Variants in MGAT4D observed in about 807,000 individuals in gnomAD.
The protein encoded by MGAT4D is MGAT4 family member D, also known as alpha-1,3-mannosyl-glycoprotein 4-beta-N-acetylglucosaminyltransferase-like protein MGAT4D.
MGAT4D carries 34 observed loss-of-function variants against 15.9 expected under a neutral mutation model. The observed-to-expected ratio is 2.14, with a 90% CI of 1.62 to 2.84. The LOEUF (loss-of-function observed/expected upper bound fraction) is 2.84. MGAT4D is among the 30% of genes most tolerant of loss of function. The probability of loss-of-function intolerance (pLI) is 0.00; values close to 1 mark genes in which losing one functional copy is unlikely to be tolerated. For missense variants in MGAT4D, 327 were observed against 140.2 expected (o/e 2.33, Z -6.73); for synonymous variants, 112 against 48.2 (o/e 2.33, Z -5.49).
In MGAT4D at chr4:140,443,462, A is replaced by G. The variant is rs2126648734; in HGVS notation, c.1117-18T>C. ...CATATTTTCTGAAATGAAAACAAAA[A>G]ATGTAACATCTAGAAATAATATATT... is the stretch of plus-strand genomic sequence containing the variant. On this transcript the variant is annotated intron_variant, in intron 10 of 10. Transcript: ENST00000511113. 5.6e-6 allele frequency: 3 copies of G among 537,614 alleles called. No individual in the cohort carries two copies. The highest frequency in any genetic ancestry group is 3.1e-4 in the Middle Eastern group (1 of 3,196). 33.3% of individuals were successfully genotyped at this position (537,614 alleles called of 1,614,324 possible).
intron 9 of MGAT4D, among the ~76,000 whole-genome samples, chr4:140,455,829 A>G (rs1331130795): frequency 1.3e-5 from 2 of 151,940 alleles, no homozygotes; most frequent in Non-Finnish European, 2.9e-5. Context: ...TTTTAAGTGT[A>G]TTCTGATATT....
At chr4:140,488,671 G>C (rs1049698868) in intron 1 of MGAT4D, among the ~76,000 whole-genome samples, 6 of 152,210 alleles carry the variant, frequency 3.9e-5, no homozygotes, top group Non-Finnish European at 7.3e-5. Context: ...TAAGTGCATA[G>C]AGTGTGAAAT....
chr4:140,483,273 T>C (rs1168435382), intron 1 of MGAT4D, among the ~76,000 whole-genome samples: 1 of 152,044 alleles, frequency 6.6e-6, no homozygotes, highest in East Asian at 1.9e-4. Flanking sequence ...AACCACACCA[T>C]TTACAATGGC....
chr4:140,460,540 A>G (rs934347337), intron 7 of MGAT4D, among the ~76,000 whole-genome samples: 6 of 152,172 alleles, frequency 3.9e-5, no homozygotes, highest in Non-Finnish European at 8.8e-5. Context: ...TTAACATATT[A>G]ATTTTGGGAG....
intron 10 of MGAT4D, among the ~76,000 whole-genome samples, chr4:140,446,327 T>C (rs1439508970): frequency 1.3e-5 from 2 of 152,180 alleles, no homozygotes; most frequent in Non-Finnish European, 2.9e-5. Flanking sequence ...AGGCTATTTA[T>C]TACTGATTCA....
At chr4:140,444,975 A>T (rs1730020379) in intron 10 of MGAT4D, among the ~76,000 whole-genome samples, 1 of 151,528 alleles carries the variant, frequency 6.6e-6, no homozygotes, top group African/African-American at 2.4e-5. Flanking sequence ...TCTGCCTCCT[A>T]GGTTCAAGCA....
chr4:140,451,448 T>C lies in MGAT4D; in HGVS notation c.1078A>G (p.Ile360Val), dbSNP rs1033291863. 1.4e-5 allele frequency: 9 copies of C among 634,152 alleles called. No individual in the cohort carries two copies. Among genetic ancestry groups the C allele is most frequent in the Middle Eastern group, 2.4e-4 (1 of 4,096 alleles). The allele number at this position is 634,152 out of a possible 1,614,324, so 39.3% of individuals were successfully genotyped here. Residue 360 changes from isoleucine to valine, a missense_variant, in exon 10 of 11, where the codon ATA (isoleucine) becomes GTA (valine). Ile to Val is a conservative substitution (Grantham distance 29). Transcript: ENST00000511113. ...TCTTTTCTAGGGAATGATGAATGTA[T>C]ACCCACATGCTGGAAAAGAGAAGGT... is the stretch of plus-strand genomic sequence containing the variant. ...YKPSLFQHVG[I>V]HSSFPRKEQY...
At position 140,473,391 on chromosome 4, in the gene MGAT4D, A is replaced by T. The variant is rs567140410; in HGVS notation, c.525+1422T>A. ...GTTGTTTCCAATATTATGCTTTCAT[A>T]ACCCAACAATGCACTGAAAATCCTG... On this transcript the variant is annotated intron_variant, in intron 4 of 10. Coordinates refer to ENST00000511113, the MANE Select transcript of MGAT4D (RefSeq NM_001277353.2). Among the ~76,000 whole-genome samples, 8 of 152,296 alleles carry T rather than the reference A, an allele frequency of 5.3e-5. No homozygotes were observed. The South Asian group carries it at 1.7e-3, about 32-fold the overall frequency.
chr4:140,494,000 T>G (rs1159203968), intron 1 of MGAT4D, among the ~76,000 whole-genome samples: 1 of 152,118 alleles, frequency 6.6e-6, no homozygotes, highest in African/African-American at 2.4e-5. Context: ...AAGTGTTGGC[T>G]TTTCCAAGGG....
chr4:140,475,679 A>AAAAG (rs1732266776), intron 3 of MGAT4D, among the ~76,000 whole-genome samples: 3 of 149,746 alleles, frequency 2.0e-5, no homozygotes, highest in East Asian at 3.9e-4. Context: ...AAAAAAAAAA[A>AAAAG]GGTCAAAACA....
At chr4:140,487,329 A>G (rs753637888) in intron 1 of MGAT4D, among the ~76,000 whole-genome samples, 3 of 152,202 alleles carry the variant, frequency 2.0e-5, no homozygotes, top group Non-Finnish European at 2.9e-5. Flanking sequence ...CAAGTGTGCA[A>G]TGGGTGAATG....
chr4:140,478,881 C>G (rs1017167309), intron 3 of MGAT4D, among the ~76,000 whole-genome samples: 1 of 151,736 alleles, frequency 6.6e-6, no homozygotes, highest in African/African-American at 2.4e-5. Context: ...ACATAGACAA[C>G]AAGTAAATGG....
At chr4:140,469,709 C>A (rs1412276928) in intron 5 of MGAT4D, among the ~76,000 whole-genome samples, 1 of 152,152 alleles carries the variant, frequency 6.6e-6, no homozygotes, top group Non-Finnish European at 1.5e-5. Context: ...ATCCTGTAAA[C>A]TGAAATTCAG....
intron 10 of MGAT4D, among the ~76,000 whole-genome samples, chr4:140,450,661 T>C (rs943017582): frequency 6.6e-6 from 1 of 152,200 alleles, no homozygotes; most frequent in Non-Finnish European, 1.5e-5. Flanking sequence ...CGTCTATTTC[T>C]CATTCAGTTG....
At chr4:140,462,299 T>C (rs1333547564) in intron 6 of MGAT4D, among the ~76,000 whole-genome samples, 1 of 152,180 alleles carries the variant, frequency 6.6e-6, no homozygotes, top group East Asian at 1.9e-4. Context: ...TTAATATTCT[T>C]TCTGATTTTA....
intron 7 of MGAT4D, 49 bp downstream of exon 7, chr4:140,461,880 T>C (rs916399380): frequency 8.4e-5 from 45 of 535,374 alleles, no homozygotes; most frequent in African/African-American, 2.8e-4. Flanking sequence ...AATTGGTGTA[T>C]ACACACACAC....
rs148228556 is a variant in MGAT4D at position 140,465,006 on chromosome 4, G to C, written c.576C>G (p.Phe192Leu). 7 of 700,632 alleles carry C rather than the reference G, an allele frequency of 1.0e-5. No homozygotes were observed. The highest frequency in any genetic ancestry group is 8.7e-5 in the African/African-American group (5 of 57,274). The allele number at this position is 700,632 out of a possible 1,614,324, so 43.4% of individuals were successfully genotyped here. The change falls in exon 6 of 11, where the codon TTC becomes TTG. Residue 192 changes from phenylalanine to leucine, a missense_variant. By Grantham distance (22) the Phe-to-Leu change is conservative (BLOSUM62 0). Coordinates refer to ENST00000511113, the MANE Select transcript of MGAT4D (RefSeq NM_001277353.2). The part of the protein sequence containing the change: ...HSVVKMITKK[F>L]KRQVRSGSLE... ...AGGATCCAGACCTCACTTGCCTTTT[G>C]AATCTATAAATAGAAGTAAATGCAG... is the stretch of plus-strand genomic sequence containing the variant.
rs1361945276 is a variant in MGAT4D, at chr4:140,482,303, AAAAC to A, written c.253+20_253+23del. ...GAATCTACATTTCCAAAAACAAAAC[AAAAC>A]AAACAAAATCAACACAAACCTAAGT... On this transcript the variant is annotated intron_variant, in intron 2 of 10. Transcript: ENST00000511113. 1.7e-6 allele frequency: 1 copy of A among 600,170 alleles called. No individual in the cohort carries two copies. 37.2% of individuals were successfully genotyped at this position (600,170 alleles called of 1,614,324 possible). A position where few individuals can be genotyped will look rare whatever the true frequency, so the allele number is the denominator to read the frequency against.
chr4:140,480,455 AAAAAC>A (rs1732627697), intron 2 of MGAT4D, among the ~76,000 whole-genome samples: 1 of 152,164 alleles, frequency 6.6e-6, no homozygotes, highest in Admixed American at 6.5e-5. Context: ...TAACAATACA[AAAAAC>A]AAAACAATAC....
Sources: gnomAD v4.1 joint callset for allele counts (sites outside exome capture counted in the v4.1 genomes callset) on GRCh38, gnomAD v4.1.1 for gene constraint, MANE v1.5 for transcripts, NCBI Gene and HGNC (gene_info 2026-07-23, HGNC 2026-07-21) for gene names.